Variants in CTDSPL2 observed in about 807,000 individuals in gnomAD.
The protein encoded by CTDSPL2 is CTD small phosphatase like 2.
In CTDSPL2, 5 loss-of-function variants were observed where a neutral mutation model predicts 60.0. The observed-to-expected ratio is 0.08, with a 90% confidence interval of 0.04 to 0.18. The LOEUF (loss-of-function observed/expected upper bound fraction) is 0.18. Ranked by LOEUF, CTDSPL2 falls within the 10% of genes least tolerant of loss-of-function variation. The pLI is 1.00. For synonymous variants in CTDSPL2, 186 were observed against 189.3 expected, an observed-to-expected ratio of 0.98 and a Z score of 0.14; for missense variants, 370 against 548.8, an observed-to-expected ratio of 0.67 and a Z score of 3.26.
At chr15:44,461,122 G>C (rs2080558305) in intron 2 of CTDSPL2, among the ~76,000 whole-genome samples, 1 of 151,996 alleles carries the variant, frequency 6.6e-6, no homozygotes, top group African/African-American at 2.4e-5. Context: ...TCATTATCTT[G>C]GTCACCTTTA....
intron 1 of CTDSPL2, among the ~76,000 whole-genome samples, chr15:44,431,726 T>G (rs867230113): frequency 0.029 from 4,315 of 150,446 alleles, 216 homozygotes; most frequent in African/African-American, 0.1. Flanking sequence ...GTTTTTTTTT[T>G]TTTTTTTTTG....
chr15:44,428,296 G>T (rs1432550264), intron 1 of CTDSPL2, among the ~76,000 whole-genome samples: 1 of 152,266 alleles, frequency 6.6e-6, no homozygotes, highest in African/African-American at 2.4e-5. Flanking sequence ...AGTTGACATT[G>T]TTACTTTTTC....
chr15:44,514,957 A>T, intron 10 of CTDSPL2, 113 bp downstream of exon 10: 1 of 609,892 alleles, frequency 1.6e-6, no homozygotes, highest in Non-Finnish European at 2.9e-6. Context: ...TTGAATGGTG[A>T]ATATAAATGA....
chr15:44,497,770 G>C (rs1187952743), intron 7 of CTDSPL2, among the ~76,000 whole-genome samples: 2 of 152,022 alleles, frequency 1.3e-5, no homozygotes, highest in Non-Finnish European at 2.9e-5. Flanking sequence ...CGAACTTTTG[G>C]CCGATCACTT....
intron 1 of CTDSPL2, among the ~76,000 whole-genome samples, chr15:44,453,669 T>C (rs1440708010): frequency 6.8e-6 from 1 of 147,430 alleles, no homozygotes; most frequent in African/African-American, 2.5e-5. Flanking sequence ...AGTGAGAACA[T>C]GCGGTATTTG....
chr15:44,505,593 G>A (rs1305234768), intron 8 of CTDSPL2, among the ~76,000 whole-genome samples: 3 of 151,958 alleles, frequency 2.0e-5, no homozygotes, highest in African/African-American at 7.3e-5. Context: ...AATTAGCTGG[G>A]CGTGGTGGCA....
intron 4 of CTDSPL2, 95 bp downstream of exon 4, chr15:44,486,795 T>A: frequency 1.1e-6 from 1 of 949,060 alleles, no homozygotes; most frequent in Non-Finnish European, 1.5e-6. Context: ...GAAGTCTCTC[T>A]TTGTTGCCCA....
chr15:44,483,120 G>T (rs564922560), intron 2 of CTDSPL2, among the ~76,000 whole-genome samples: 1 of 151,928 alleles, frequency 6.6e-6, no homozygotes, highest in Non-Finnish European at 1.5e-5. Flanking sequence ...TTAGCGGGGC[G>T]TGGTGGTGCG....
At position 44,521,422 on chromosome 15, in the gene CTDSPL2, CT is replaced by C; in HGVS notation, c.1335+21del. Reference sequence around the variant, plus strand: ...TGTAGAACTGGTAAGTGTAGCTTATCTTTTTCTGTTGTGTTTTTGTTAGCTC... The same window carrying C: ...TGTAGAACTGGTAAGTGTAGCTTATCTTTTCTGTTGTGTTTTTGTTAGCTC... On this transcript the variant is annotated intron_variant, in intron 12 of 12. Transcript: ENST00000260327. The C allele has an allele frequency of 2.2e-6, 3 of 1,344,628 alleles. No homozygotes were observed. Among genetic ancestry groups the C allele is most frequent in the Non-Finnish European group, 2.1e-6 (2 of 958,530 alleles). The allele number at this position is 1,344,628 out of a possible 1,614,324, so 83.3% of individuals were successfully genotyped here.
intron 1 of CTDSPL2, among the ~76,000 whole-genome samples, chr15:44,450,541 T>G (rs542306573): frequency 6.6e-6 from 1 of 152,078 alleles, no homozygotes; most frequent in South Asian, 2.1e-4. Context: ...AATGAAACGT[T>G]TATCTGTATA....
At chr15:44,484,859 GTAAAGA>G (rs1387870964) in intron 3 of CTDSPL2, among the ~76,000 whole-genome samples, 1 of 152,200 alleles carries the variant, frequency 6.6e-6, no homozygotes, top group East Asian at 1.9e-4. Flanking sequence ...ATTAAAGTAA[GTAAAGA>G]TAGAGTATAT....
intron 6 of CTDSPL2, 76 bp downstream of exon 6, chr15:44,496,534 C>T (rs1463384469): frequency 9.0e-7 from 1 of 1,116,476 alleles, no homozygotes; most frequent in Non-Finnish European, 1.4e-6. Context: ...GGATTGGTGG[C>T]TAAATAGTAT....
chr15:44,490,378 G>T (rs1177878964), intron 4 of CTDSPL2, among the ~76,000 whole-genome samples: 1 of 152,136 alleles, frequency 6.6e-6, no homozygotes, highest in Non-Finnish European at 1.5e-5. Flanking sequence ...CAATCTGCTT[G>T]CCTCAGCCTC....
rs1393349415 is a variant in CTDSPL2 at position 44,475,164 on chromosome 15, TTC to T, written c.187-9058_187-9057del. ...CAATTCTCTACATACTAGATATTAC[TTC>T]TTTTTTTATGTTTGCAGATAAATCT... On this transcript the variant is annotated intron_variant, in intron 2 of 12. Transcript: ENST00000260327. Among the ~76,000 whole-genome samples the T allele has an allele frequency of 2.9e-4, 44 of 152,124 alleles. No homozygotes were observed. In the South Asian group the frequency reaches 5.2e-3, roughly 18 times the overall value.
intron 2 of CTDSPL2, among the ~76,000 whole-genome samples, chr15:44,475,595 T>C (rs1372515082): frequency 6.7e-6 from 1 of 148,582 alleles, no homozygotes; most frequent in Admixed American, 6.8e-5. Flanking sequence ...GCTGAGATCA[T>C]GCCACTGCAC....
intron 7 of CTDSPL2, among the ~76,000 whole-genome samples, 188 bp from the exon 8 acceptor site, chr15:44,499,535 GAGCT>G (rs2081354471): frequency 6.6e-6 from 1 of 152,088 alleles, no homozygotes; most frequent in African/African-American, 2.4e-5. Context: ...GCTAGTCCAG[GAGCT>G]ATACCTGAGA....
chr15:44,460,965 C>T (rs2080554319), intron 2 of CTDSPL2, among the ~76,000 whole-genome samples: 1 of 148,564 alleles, frequency 6.7e-6, no homozygotes, highest in South Asian at 2.1e-4. Context: ...TAAAGTGCGT[C>T]CTCATCTTTT....
At position 44,446,720 on chromosome 15, in the gene CTDSPL2, GAGAA is replaced by G. The variant is rs1175886806; in HGVS notation, c.-24-12267_-24-12264del. Among the ~76,000 whole-genome samples, 289 of 146,920 alleles carry G rather than the reference GAGAA, an allele frequency of 2.0e-3. 1 individual carries two copies. Among genetic ancestry groups the G allele is most frequent in the African/African-American group, 6.9e-3 (278 of 40,422 alleles). On this transcript the variant is annotated intron_variant, in intron 1 of 12. Transcript: ENST00000260327. ...AGGGAACAGGCAAAAAAAAAAAAGA[GAGAA>G]AGAGAAAGGGAAATTGGAATCTTGG...
At chr15:44,433,953 C>CAA (rs201817237) in intron 1 of CTDSPL2, among the ~76,000 whole-genome samples, 40 of 103,722 alleles carry the variant, frequency 3.9e-4, no homozygotes, top group African/African-American at 1.1e-3. Context: ...ACTCTCGTCT[C>CAA]AAAAAAAAAA....
Sources: allele counts gnomAD v4.1 joint callset (sites outside exome capture counted in the v4.1 genomes callset), GRCh38; gene constraint gnomAD v4.1.1; transcripts MANE v1.5; gene names NCBI Gene and HGNC (gene_info 2026-07-23, HGNC 2026-07-21).